Variants in FANCC observed in about 807,000 individuals in gnomAD.
The protein encoded by FANCC is FA complementation group C, also known as Fanconi anemia group C protein.
A neutral mutation model predicts 71.3 loss-of-function variants in FANCC; 55 were observed. That is an observed-to-expected ratio of 0.77 (90% CI 0.62 to 0.97). The LOEUF (loss-of-function observed/expected upper bound fraction) is 0.97. Ranked by LOEUF, FANCC falls within the 50% of genes least tolerant of loss-of-function variation. FANCC has a pLI of 0.00. For missense variants in FANCC, 678 were observed against 670.9 expected, an observed-to-expected ratio of 1.01 and a Z score of -0.12; for synonymous variants, 275 against 244.9, an observed-to-expected ratio of 1.12 and a Z score of -1.15.
At chr9:95,114,764 G>A (rs542377961) in intron 11 of FANCC, 54 bp from the exon 12 acceptor site, 2 of 1,497,670 alleles carry the variant, frequency 1.3e-6, no homozygotes, top group East Asian at 4.5e-5. Flanking sequence ...TCAAGCCCAT[G>A]AGGAACCACC....
chr9:95,187,255 G>A (rs991917829), intron 4 of FANCC, among the ~76,000 whole-genome samples: 8 of 152,134 alleles, frequency 5.3e-5, no homozygotes, highest in African/African-American at 1.4e-4. Context: ...GTCGCAGTTC[G>A]GATGAGCATG....
intron 13 of FANCC, chr9:95,110,107 C>T (rs980056037): frequency 3.4e-5 from 10 of 295,776 alleles, no homozygotes; most frequent in African/African-American, 6.8e-5. Context: ...TGAGCCAATA[C>T]GTTCTCATCC....
At chr9:95,150,176 G>T in intron 6 of FANCC, 89 bp from the exon 7 acceptor site, 1 of 1,374,786 alleles carries the variant, frequency 7.3e-7, no homozygotes, top group Non-Finnish European at 1.0e-6. Flanking sequence ...AAAGGTCAAA[G>T]ACAGATCACC....
chr9:95,294,913 G>A (rs1736077707), intron 1 of FANCC: 1 of 1,064,600 alleles, frequency 9.4e-7, no homozygotes, highest in Non-Finnish European at 1.3e-6. Flanking sequence ...TGTGGCTGAT[G>A]ATGCAGTTGC....
At chr9:95,272,557 C>T (rs1261971497) in intron 1 of FANCC, among the ~76,000 whole-genome samples, 2 of 151,900 alleles carry the variant, frequency 1.3e-5, no homozygotes, top group Admixed American at 6.6e-5. Flanking sequence ...ATTAGTTGGG[C>T]GTGGTGTCAT....
intron 4 of FANCC, among the ~76,000 whole-genome samples, chr9:95,208,645 G>A (rs1429130788): frequency 6.6e-6 from 1 of 152,124 alleles, no homozygotes; most frequent in Non-Finnish European, 1.5e-5. Flanking sequence ...AAAAGATGCT[G>A]CACATTATAT....
intron 1 of FANCC, chr9:95,293,741 G>C (rs1161539882): frequency 1.5e-5 from 24 of 1,613,768 alleles, no homozygotes; most frequent in Non-Finnish European, 2.0e-5. Context: ...CCAGCTCTAA[G>C]GTAACTTCAT....
rs587779910 is a variant in FANCC at position 95,125,139 on chromosome 9, T to C, written c.943A>G (p.Ile315Val). The C allele has an allele frequency of 1.2e-6, 2 of 1,614,054 alleles. No individual in the cohort carries two copies. Among genetic ancestry groups the C allele is most frequent in the African/African-American group, 1.3e-5 (1 of 74,920 alleles). The change falls in exon 10 of 15, where the codon ATT becomes GTT. Residue 315 changes from isoleucine to valine, a missense_variant. Transcript: ENST00000289081. ...ACAAAGCACTGCGTAAACACCTGAA[T>C]AGTGGCTATGATTTCCAGGGCCCCA... ...TDGALEIIAT[I>V]QVFTQCFVEA...
At chr9:95,237,069 T>C (rs546848821) in intron 4 of FANCC, among the ~76,000 whole-genome samples, 1 of 152,324 alleles carries the variant, frequency 6.6e-6, no homozygotes, top group African/African-American at 2.4e-5. Flanking sequence ...TTAGAGTTGT[T>C]AAGAGTTAAA....
At chr9:95,211,655 T>C (rs1479862259) in intron 4 of FANCC, among the ~76,000 whole-genome samples, 2 of 152,154 alleles carry the variant, frequency 1.3e-5, no homozygotes. Flanking sequence ...CATTCATCAA[T>C]GCAATGTTCA....
intron 6 of FANCC, among the ~76,000 whole-genome samples, chr9:95,166,827 AG>A (rs558707950): frequency 3.9e-5 from 6 of 152,136 alleles, no homozygotes; most frequent in Non-Finnish European, 8.8e-5. Flanking sequence ...CTGGATACTG[AG>A]GGACAACTGT....
At chr9:95,300,465 T>C (rs1017473521) in intron 1 of FANCC, among the ~76,000 whole-genome samples, 1 of 151,986 alleles carries the variant, frequency 6.6e-6, no homozygotes, top group Non-Finnish European at 1.5e-5. Context: ...TCTTTTTTTT[T>C]TTTTTCAGAC....
chr9:95,116,555 C>T (rs1423837688), intron 11 of FANCC, among the ~76,000 whole-genome samples: 1 of 152,228 alleles, frequency 6.6e-6, no homozygotes, highest in Non-Finnish European at 1.5e-5. Context: ...TGGCTCGTTC[C>T]CTTCTGTCTC....
intron 4 of FANCC, among the ~76,000 whole-genome samples, chr9:95,231,892 G>A (rs1588321934): frequency 6.6e-6 from 1 of 152,302 alleles, no homozygotes; most frequent in East Asian, 1.9e-4. Flanking sequence ...CAGCAACCAT[G>A]GAAATGAGCA....
intron 1 of FANCC, among the ~76,000 whole-genome samples, chr9:95,291,217 C>G (rs1833976444): frequency 6.6e-6 from 1 of 152,058 alleles, no homozygotes; most frequent in Non-Finnish European, 1.5e-5. Flanking sequence ...ACTGGAAATC[C>G]TACCCAGAGC....
Position 95,267,334 on chromosome 9 carries a change from C to T in FANCC, c.-78-17965G>A, listed in dbSNP as rs193016595. Reference sequence around the variant, plus strand: ...GATGGAGGACACCTGTCAGGCAGGACCAGGCACTGCGTGAAGCAGCCATGA... The same window carrying T: ...GATGGAGGACACCTGTCAGGCAGGATCAGGCACTGCGTGAAGCAGCCATGA... On this transcript the variant is annotated intron_variant, in intron 1 of 14. Coordinates refer to ENST00000289081, the MANE Select transcript of FANCC (RefSeq NM_000136.3). 5.1e-4 allele frequency among the ~76,000 whole-genome samples: 78 copies of T among 152,236 alleles called. No individual in the cohort carries two copies. The East Asian group carries it at 6.8e-3, about 13-fold the overall frequency.
At position 95,282,786 on chromosome 9, in the gene FANCC, G is replaced by T. The variant is rs563441540; in HGVS notation, c.-78-33417C>A. ...AGACATCAATAAAAGGGGAAACCTTGAAAACTTTACAAATACATAGAAATT... is the reference window on the plus strand; with the variant it reads ...AGACATCAATAAAAGGGGAAACCTTTAAAACTTTACAAATACATAGAAATT... On this transcript the variant is annotated intron_variant, in intron 1 of 14. Transcript: ENST00000289081. 2.0e-5 allele frequency among the ~76,000 whole-genome samples: 3 copies of T among 152,218 alleles called. No individual in the cohort carries two copies. The South Asian group carries it at 6.2e-4, about 32-fold the overall frequency.
In FANCC at chr9:95,249,302, G is replaced by A; in HGVS notation, c.-11C>T. The A allele has an allele frequency of 6.2e-7, 1 of 1,613,852 alleles. No homozygotes were observed. The highest frequency in any genetic ancestry group is 8.5e-7 in the Non-Finnish European group (1 of 1,179,962). On this transcript the variant is annotated 5_prime_UTR_variant, in exon 2 of 15. Transcript: ENST00000289081. The stretch of plus-strand genomic sequence containing the variant: ...TGAATCTTGAGCCATCTTGGAAAAA[G>A]CGAAAAGGTGATGTCCCTTCACAGC...
At chr9:95,222,106 A>G (rs2135941586) in intron 4 of FANCC, among the ~76,000 whole-genome samples, 1 of 147,992 alleles carries the variant, frequency 6.8e-6, no homozygotes, top group Non-Finnish European at 1.5e-5. Flanking sequence ...AGGTGAGAGC[A>G]TTACTTGAGC....
Sources: allele counts gnomAD v4.1 joint callset (sites outside exome capture counted in the v4.1 genomes callset), GRCh38; gene constraint gnomAD v4.1.1; transcripts MANE v1.5; gene names NCBI Gene and HGNC (gene_info 2026-07-23, HGNC 2026-07-21).